The following CDK15 variants were observed in gnomAD, a reference collection of about 807,000 sequenced individuals.
The protein encoded by CDK15 is cyclin dependent kinase 15, also known as cyclin-dependent kinase 15.
In CDK15, 62 loss-of-function variants were observed where a neutral mutation model predicts 60.3. The observed-to-expected ratio is 1.03, with a 90% CI of 0.84 to 1.27. CDK15 has a LOEUF of 1.27. Among genes scored for constraint, CDK15 ranks in the 50% most tolerant of loss-of-function variants. The pLI is 0.00. For missense variants in CDK15, 541 were observed against 527.8 expected (o/e 1.03, Z -0.25); for synonymous variants, 194 against 195.7 (o/e 0.99, Z 0.07).
rs779480760 is a variant in CDK15, at chr2:201,822,888, C to A, written c.528C>A (p.Phe176Leu). The A allele has an allele frequency of 6.2e-7, 1 of 1,607,380 alleles. No homozygotes were observed. The highest frequency in any genetic ancestry group is 1.3e-5 in the African/African-American group (1 of 74,880). The change falls in exon 5 of 14, where the codon TTC becomes TTA. Residue 176 changes from phenylalanine to leucine, a missense_variant. Physicochemically the swap from Phe to Leu is conservative, Grantham distance 22. Coordinates refer to ENST00000652192, the MANE Select transcript of CDK15 (RefSeq NM_001366386.2). The part of the protein sequence containing the change: ...DIIHTKETLT[F>L]VFEYMHTDLA... Reference sequence around the variant, plus strand: ...TCCACACCAAAGAGACACTGACATTCGTTTTTGAATACATGGTGAGTTGTT... The same window carrying A: ...TCCACACCAAAGAGACACTGACATTAGTTTTTGAATACATGGTGAGTTGTT...
At chr2:201,881,007 C>G (rs1207875912) in intron 12 of CDK15, among the ~76,000 whole-genome samples, 6 of 152,050 alleles carry the variant, frequency 3.9e-5, no homozygotes, top group Non-Finnish European at 8.8e-5. Flanking sequence ...AGTCCTAAGC[C>G]AGAGAAAAGA....
intron 4 of CDK15, among the ~76,000 whole-genome samples, chr2:201,821,735 A>T (rs1004376345): frequency 6.6e-6 from 1 of 152,114 alleles, no homozygotes; most frequent in Admixed American, 6.5e-5. Flanking sequence ...CAGTGGTGCA[A>T]TCTTGGCTCA....
intron 10 of CDK15, among the ~76,000 whole-genome samples, chr2:201,858,020 C>G (rs1290719429): frequency 6.6e-6 from 1 of 152,184 alleles, no homozygotes; most frequent in Non-Finnish European, 1.5e-5. Flanking sequence ...AGCCCCCAAA[C>G]TTTGAATCAG....
chr2:201,832,944 T>G (rs1462206605), intron 6 of CDK15, among the ~76,000 whole-genome samples: 1 of 152,226 alleles, frequency 6.6e-6, no homozygotes, highest in Non-Finnish European at 1.5e-5. Flanking sequence ...TAAATACTGA[T>G]GTTGGTGTTT....
At chr2:201,814,229 T>C (rs546941460) in intron 4 of CDK15, among the ~76,000 whole-genome samples, 64 of 152,248 alleles carry the variant, frequency 4.2e-4, no homozygotes, top group Non-Finnish European at 8.2e-4. Context: ...GGATCCGTTT[T>C]CTTCTGTATG....
intron 8 of CDK15, among the ~76,000 whole-genome samples, chr2:201,838,219 A>G (rs1411056785): frequency 6.9e-6 from 1 of 145,056 alleles, no homozygotes; most frequent in Admixed American, 7.0e-5. Context: ...ACATTTGGCA[A>G]TGTCTGGAAA....
intron 8 of CDK15, among the ~76,000 whole-genome samples, chr2:201,841,167 T>C (rs777244288): frequency 3.9e-5 from 6 of 152,226 alleles, no homozygotes; most frequent in Non-Finnish European, 8.8e-5. Context: ...TTTTTGCCAT[T>C]AAAAGTAATG....
intron 6 of CDK15, among the ~76,000 whole-genome samples, chr2:201,831,175 G>A (rs571901779): frequency 2.0e-5 from 3 of 152,290 alleles, no homozygotes; most frequent in South Asian, 2.1e-4. Flanking sequence ...GGGAATCCTC[G>A]TGAGGTTATC....
At chr2:201,818,652 A>G (rs1292346814) in intron 4 of CDK15, among the ~76,000 whole-genome samples, 1 of 152,244 alleles carries the variant, frequency 6.6e-6, no homozygotes, top group Non-Finnish European at 1.5e-5. Context: ...TTTAAACATC[A>G]TCTGCTCTTT....
intron 10 of CDK15, chr2:201,860,743 G>A: frequency 1.5e-6 from 2 of 1,352,148 alleles, no homozygotes; most frequent in Non-Finnish European, 2.0e-6. Flanking sequence ...ACCACCAGGT[G>A]GAAGCAAGAA....
intron 11 of CDK15, among the ~76,000 whole-genome samples, chr2:201,876,864 C>T (rs1699099086): frequency 6.6e-6 from 1 of 152,168 alleles, no homozygotes; most frequent in Admixed American, 6.5e-5. Context: ...GTGGTACGAT[C>T]GTGGCTCACT....
At chr2:201,837,460 AAGGAAGGAAGGAAGGAAG>A (rs1488853447) in intron 8 of CDK15, among the ~76,000 whole-genome samples, 3 of 10,582 alleles carry the variant, frequency 2.8e-4, no homozygotes, top group Admixed American at 2.0e-3. Context: ...GGAAGGAAGG[AAGGAAGGAAGGAAGGAAG>A]GAAGGAAGGA....
chr2:201,818,000 T>A (rs1300508890), intron 4 of CDK15, among the ~76,000 whole-genome samples: 1 of 152,240 alleles, frequency 6.6e-6, no homozygotes, highest in Non-Finnish European at 1.5e-5. Flanking sequence ...TCAAAGGAAA[T>A]GTAACAACAG....
intron 12 of CDK15, chr2:201,888,356 A>C: frequency 1.4e-6 from 2 of 1,473,354 alleles, no homozygotes; most frequent in Non-Finnish European, 1.8e-6. Context: ...ATACATAAGA[A>C]TCTAAAAGTT....
intron 10 of CDK15, among the ~76,000 whole-genome samples, chr2:201,864,815 T>G (rs540217422): frequency 6.6e-6 from 1 of 152,194 alleles, no homozygotes. Flanking sequence ...AACCACAAAA[T>G]GGAGATATCT....
At chr2:201,866,010 A>ATGTGTGTGTGTGTGTGTGTG (rs72270010) in intron 10 of CDK15, among the ~76,000 whole-genome samples, 5 of 139,638 alleles carry the variant, frequency 3.6e-5, no homozygotes, top group African/African-American at 1.3e-4. Flanking sequence ...ACATGAGTGA[A>ATGTGTGTGTGTGTGTGTGTG]TGTGTGTGTG....
chr2:201,826,796 C>A (rs184646492), intron 6 of CDK15, among the ~76,000 whole-genome samples: 2 of 152,334 alleles, frequency 1.3e-5, no homozygotes, highest in East Asian at 1.9e-4. Context: ...TTTTCTGCAA[C>A]TTTTGCTCCA....
intron 11 of CDK15, among the ~76,000 whole-genome samples, chr2:201,873,940 G>A (rs1033308191): frequency 2.0e-5 from 3 of 152,100 alleles, no homozygotes; most frequent in African/African-American, 7.3e-5. Context: ...TGTAGTCCGA[G>A]CTTCTCAGGA....
chr2:201,884,398 T>G (rs1440597017), intron 12 of CDK15, among the ~76,000 whole-genome samples: 2 of 152,244 alleles, frequency 1.3e-5, no homozygotes, highest in African/African-American at 4.8e-5. Flanking sequence ...AGTATACTTA[T>G]ATACACATAG....
Sources: gnomAD v4.1 joint callset for allele counts (sites outside exome capture counted in the v4.1 genomes callset) on GRCh38, gnomAD v4.1.1 for gene constraint, MANE v1.5 for transcripts, NCBI Gene and HGNC (gene_info 2026-07-23, HGNC 2026-07-21) for gene names.